PRKAG2: variants seen among roughly 807,000 people sequenced by gnomAD.
The protein encoded by PRKAG2 is 5'-AMP-activated protein kinase subunit gamma-2.
A neutral mutation model predicts 69.6 loss-of-function variants in PRKAG2; 26 were observed. The observed-to-expected ratio is 0.37, with a 90% CI of 0.27 to 0.52. The LOEUF (loss-of-function observed/expected upper bound fraction) is 0.52. Ranked by LOEUF, PRKAG2 falls within the 20% of genes least tolerant of loss-of-function variation. The pLI is 0.90. For missense variants in PRKAG2, 557 were observed against 740.0 expected, an observed-to-expected ratio of 0.75 and a Z score of 2.87; for synonymous variants, 293 against 285.0, an observed-to-expected ratio of 1.03 and a Z score of -0.28.
At chr7:151,718,277 GA>G (rs1211186962) in intron 3 of PRKAG2, among the ~76,000 whole-genome samples, 1 of 133,400 alleles carries the variant, frequency 7.5e-6, no homozygotes, top group African/African-American at 2.9e-5. Flanking sequence ...GTGGTGGGTG[GA>G]GGGGGGGGTA....
chr7:151,659,352 G>A (rs993451491), intron 4 of PRKAG2, among the ~76,000 whole-genome samples: 3 of 152,184 alleles, frequency 2.0e-5, no homozygotes, highest in African/African-American at 7.2e-5. Flanking sequence ...GTTCAGGGGA[G>A]TCCATGGCAT....
intron 1 of PRKAG2, chr7:151,809,183 C>T (rs2078286525): frequency 2.2e-6 from 1 of 454,796 alleles, no homozygotes; most frequent in Non-Finnish European, 4.4e-6. Flanking sequence ...TGGCCTAATA[C>T]TAAGGGCAAA....
At chr7:151,651,739 C>A (rs1036860230) in intron 4 of PRKAG2, among the ~76,000 whole-genome samples, 1 of 152,208 alleles carries the variant, frequency 6.6e-6, no homozygotes, top group Non-Finnish European at 1.5e-5. Flanking sequence ...CAAGAAACTA[C>A]CACTTGTCCT....
At chr7:151,593,786 C>T (rs920059750) in intron 6 of PRKAG2, among the ~76,000 whole-genome samples, 2 of 152,170 alleles carry the variant, frequency 1.3e-5, no homozygotes, top group African/African-American at 4.8e-5. Flanking sequence ...AAAAGTGACT[C>T]TGAAGGTTAC....
intron 1 of PRKAG2, among the ~76,000 whole-genome samples, chr7:151,815,928 T>C (rs889498842): frequency 6.6e-6 from 1 of 152,212 alleles, no homozygotes; most frequent in Non-Finnish European, 1.5e-5. Context: ...AAAGGAGGCT[T>C]CTTCCACGAG....
rs1165841183 is a variant in PRKAG2, at chr7:151,583,258, G to C, written c.865-6806C>G. Among the ~76,000 whole-genome samples the C allele has an allele frequency of 6.6e-6, 1 of 152,174 alleles. No individual in the cohort carries two copies. Among genetic ancestry groups the C allele is most frequent in the East Asian group, 1.9e-4 (1 of 5,198 alleles). On this transcript the variant is annotated intron_variant, in intron 6 of 15. Coordinates refer to ENST00000287878, the MANE Select transcript of PRKAG2 (RefSeq NM_016203.4). The surrounding 1 kb of genome is among the most constrained non-coding windows in gnomAD (Gnocchi z 4.1). ...GCTGGTCTCAAACTCTAGGCCTCAA[G>C]TGATCCTCCTGCTTCAGCCTCCCAA... is the stretch of plus-strand genomic sequence containing the variant.
intron 4 of PRKAG2, among the ~76,000 whole-genome samples, chr7:151,667,275 T>G (rs1831193954): frequency 6.6e-6 from 1 of 152,192 alleles, no homozygotes; most frequent in South Asian, 2.1e-4. Context: ...CACTTCATGA[T>G]AAACATCCTG....
At chr7:151,690,791 T>A (rs1294226237) in intron 3 of PRKAG2, among the ~76,000 whole-genome samples, 2 of 152,388 alleles carry the variant, frequency 1.3e-5, no homozygotes, top group South Asian at 4.1e-4. Context: ...GAATCATTCC[T>A]CCTTTTCATG....
intron 5 of PRKAG2, among the ~76,000 whole-genome samples, chr7:151,624,135 AGCGTGTGT>A (rs756141316): frequency 3.7e-5 from 4 of 107,524 alleles, no homozygotes; most frequent in Non-Finnish European, 7.8e-5. Context: ...GACAGAAGGC[AGCGTGTGT>A]GTGTGTGTGT....
intron 3 of PRKAG2, among the ~76,000 whole-genome samples, chr7:151,759,660 T>C (rs2075303091): frequency 1.3e-5 from 2 of 152,200 alleles, no homozygotes; most frequent in Non-Finnish European, 2.9e-5. Flanking sequence ...CGATACCTGC[T>C]GCTTTCCCCC....
rs1171782024 is a variant in PRKAG2 at position 151,614,840 on chromosome 7, C to G, written c.754+17229G>C. On this transcript the variant is annotated intron_variant, in intron 5 of 15. Transcript: ENST00000287878. The surrounding 1 kb of genome is among the most constrained non-coding windows in gnomAD (Gnocchi z 4.4). Reference sequence around the variant, plus strand: ...ACCACTGATCACTTGGCACTGGGCTCTCAGCCCCAGTCTCCTCACCTTTAC... The same window carrying G: ...ACCACTGATCACTTGGCACTGGGCTGTCAGCCCCAGTCTCCTCACCTTTAC... Among the ~76,000 whole-genome samples the G allele has an allele frequency of 6.6e-6, 1 of 152,250 alleles. No homozygotes were observed. Among genetic ancestry groups the G allele is most frequent in the Non-Finnish European group, 1.5e-5 (1 of 68,050 alleles).
At chr7:151,682,451 C>T (rs991717420) in intron 3 of PRKAG2, among the ~76,000 whole-genome samples, 22 of 152,140 alleles carry the variant, frequency 1.4e-4, no homozygotes, top group African/African-American at 5.1e-4. Flanking sequence ...GTTGCCCAGG[C>T]TGGTCTTGAA....
chr7:151,739,438 C>CTTTATTTATTTATTTATTTATTTA (rs58335250), intron 3 of PRKAG2, among the ~76,000 whole-genome samples: 1 of 147,350 alleles, frequency 6.8e-6, no homozygotes, highest in African/African-American at 2.5e-5. Flanking sequence ...ATGACCCAGC[C>CTTTATTTATTTATTTATTTATTTA]TTTATTTATT....
chr7:151,834,740 C>T (rs1254269380), intron 1 of PRKAG2, among the ~76,000 whole-genome samples: 1 of 152,198 alleles, frequency 6.6e-6, no homozygotes, highest in Non-Finnish European at 1.5e-5. Flanking sequence ...TGGAGGGCTA[C>T]GGCGCAGTGC....
intron 14 of PRKAG2, among the ~76,000 whole-genome samples, chr7:151,562,244 CAAAAAAAAAAAAA>C (rs575674668): frequency 5.2e-5 from 2 of 38,460 alleles, no homozygotes; most frequent in Non-Finnish European, 1.2e-4. Flanking sequence ...GACTTTGTCT[CAAAAAAAAAAAAA>C]AAAAAAAAAA....
intron 1 of PRKAG2, among the ~76,000 whole-genome samples, chr7:151,811,190 G>A (rs2078402792): frequency 2.6e-5 from 4 of 152,382 alleles, no homozygotes; most frequent in Admixed American, 2.0e-4. Flanking sequence ...GCTTTGGAAG[G>A]TGTTCTGCTG....
chr7:151,683,195 C>T (rs1200671520), intron 3 of PRKAG2, among the ~76,000 whole-genome samples: 1 of 152,214 alleles, frequency 6.6e-6, no homozygotes, highest in Admixed American at 6.5e-5. Flanking sequence ...CACTGGGGAG[C>T]CATGGGCTGG....
chr7:151,694,868 G>A (rs1249456138), intron 3 of PRKAG2, among the ~76,000 whole-genome samples: 1 of 152,202 alleles, frequency 6.6e-6, no homozygotes, highest in East Asian at 1.9e-4. Context: ...AAGGAGTAAG[G>A]ACATCCGATG....
intron 1 of PRKAG2, among the ~76,000 whole-genome samples, chr7:151,840,401 A>T (rs139744661): frequency 7.7e-4 from 117 of 152,320 alleles, no homozygotes; most frequent in Non-Finnish European, 1.5e-3. Context: ...TCATTCATTT[A>T]GATGAGGTCT....
Sources: gnomAD v4.1 joint callset for allele counts (sites outside exome capture counted in the v4.1 genomes callset) on GRCh38, gnomAD v4.1.1 for gene constraint, Gnocchi (gnomAD v3.1) non-coding constraint, MANE v1.5 for transcripts, NCBI Gene and HGNC (gene_info 2026-07-23, HGNC 2026-07-21) for gene names.